Variants in METTL25 observed in about 807,000 individuals in gnomAD.
METTL25 encodes the protein methyltransferase like 25.
METTL25 carries 64 observed loss-of-function variants against 71.6 expected under a neutral mutation model. The ratio of observed to expected loss-of-function variants is 0.89; its 90% CI spans 0.73 to 1.10. The LOEUF (loss-of-function observed/expected upper bound fraction) is 1.10, where lower values mean the gene tolerates loss of function less well. Among genes scored for constraint, METTL25 ranks in the 50% least tolerant of loss-of-function variants. The pLI is 0.00. For synonymous variants in METTL25, 287 were observed against 250.3 expected (o/e 1.15, Z -1.38); for missense variants, 807 against 707.0 (o/e 1.14, Z -1.60).
At chr12:82,444,509 TC>T (rs1450853374) in intron 8 of METTL25, among the ~76,000 whole-genome samples, 1 of 152,152 alleles carries the variant, frequency 6.6e-6, no homozygotes, top group Non-Finnish European at 1.5e-5. Flanking sequence ...TTCCGAAGAC[TC>T]TTAATACTGT....
chr12:82,407,689 C>T (rs1456442816), intron 5 of METTL25: 2 of 286,122 alleles, frequency 7.0e-6, no homozygotes, highest in Non-Finnish European at 1.0e-5. Flanking sequence ...TGGGCGGGGA[C>T]GTATGCAACG....
At chr12:82,434,785 G>A in intron 7 of METTL25, 61 bp downstream of exon 7, 1 of 1,351,982 alleles carries the variant, frequency 7.4e-7, no homozygotes, top group Non-Finnish European at 1.1e-6. Flanking sequence ...CTTCATACTT[G>A]ACCTGCTGAT....
rs149393042 is a variant in METTL25 at position 82,404,790 on chromosome 12, A to G, written c.1279+1660A>G. On this transcript the variant is annotated intron_variant, in intron 5 of 11. Transcript: ENST00000248306. The stretch of plus-strand genomic sequence containing the variant: ...AAACTCCGTTTCTACTAAAGATACA[A>G]AAAATTAGCTGGCCATGGTGGTGGA... Among the ~76,000 whole-genome samples the G allele has an allele frequency of 3.7e-3, 570 of 152,190 alleles. 4 individuals are homozygous for G. The highest frequency in any genetic ancestry group is 0.013 in the African/African-American group (542 of 41,530).
chr12:82,414,678 A>C (rs1887819912), intron 5 of METTL25, among the ~76,000 whole-genome samples: 1 of 152,176 alleles, frequency 6.6e-6, no homozygotes, highest in Non-Finnish European at 1.5e-5. Flanking sequence ...ATGAAAGCAA[A>C]GTTGACAAAT....
chr12:82,464,684 C>T (rs1039953119), intron 9 of METTL25, among the ~76,000 whole-genome samples: 1 of 151,538 alleles, frequency 6.6e-6, no homozygotes, highest in African/African-American at 2.4e-5. Context: ...TTGCATTGAA[C>T]CTGTACATTG....
rs373368121 is a variant in METTL25, at chr12:82,399,328, A to G, written c.1065A>G (p.Ile355Met). The change falls in exon 4 of 12, where the codon ATA (isoleucine) becomes ATG (methionine). Residue 355 changes from isoleucine to methionine, a missense_variant. Ile to Met is a conservative substitution (Grantham distance 10, BLOSUM62 1). Coordinates refer to ENST00000248306, the MANE Select transcript of METTL25 (RefSeq NM_032230.3). ...KMTSKSSESNIYSPLTSFITA... is the reference protein window; with the variant it reads ...KMTSKSSESNMYSPLTSFITA... Reference sequence around the variant, plus strand: ...CATCAAAGTCAAGTGAATCAAATATATATTCACCTTTAACCTCTTTTATCA... The same window carrying G: ...CATCAAAGTCAAGTGAATCAAATATGTATTCACCTTTAACCTCTTTTATCA... The G allele has an allele frequency of 4.0e-5, 64 of 1,608,030 alleles. No homozygotes were observed. In the South Asian group the frequency reaches 4.1e-4, roughly 10 times the overall value.
chr12:82,449,015 T>C (rs1444979322), intron 8 of METTL25, among the ~76,000 whole-genome samples: 1 of 152,238 alleles, frequency 6.6e-6, no homozygotes, highest in Non-Finnish European at 1.5e-5. Flanking sequence ...TCCAAAATGC[T>C]GCTTCCTTGG....
intron 8 of METTL25, among the ~76,000 whole-genome samples, chr12:82,454,177 G>C (rs1449623107): frequency 6.6e-6 from 1 of 151,748 alleles, no homozygotes; most frequent in African/African-American, 2.4e-5. Context: ...AGGGGGAGAT[G>C]ATCAGAGAAA....
At chr12:82,375,555 A>G (rs1016096073) in intron 1 of METTL25, among the ~76,000 whole-genome samples, 2 of 152,242 alleles carry the variant, frequency 1.3e-5, no homozygotes, top group African/African-American at 2.4e-5. Flanking sequence ...GAGATATTTA[A>G]GAAGTCCCAT....
intron 1 of METTL25, among the ~76,000 whole-genome samples, chr12:82,360,237 T>C (rs1345607954): frequency 6.6e-6 from 1 of 152,198 alleles, no homozygotes; most frequent in African/African-American, 2.4e-5. Context: ...TCAGATTGTC[T>C]TACATATTCT....
In METTL25 at chr12:82,358,562, C is replaced by A. The variant is rs778622172; in HGVS notation, c.-4C>A. ...GCCACCTACAGCCTCGGAGGGTGAG[C>A]GTCATGGCGGCTTCTTGCCCTCTCC... On this transcript the variant is annotated 5_prime_UTR_variant, in exon 1 of 12. Transcript: ENST00000248306. The A allele has an allele frequency of 6.2e-7, 1 of 1,609,262 alleles. No individual in the cohort carries two copies. The highest frequency in any genetic ancestry group is 1.1e-5 in the South Asian group (1 of 91,054).
chr12:82,378,487 A>G (rs2136903227), intron 1 of METTL25, among the ~76,000 whole-genome samples: 1 of 152,340 alleles, frequency 6.6e-6, no homozygotes, highest in Non-Finnish European at 1.5e-5. Context: ...GATTATAACT[A>G]AATTCAGTTG....
At chr12:82,364,639 A>G (rs1882353009) in intron 1 of METTL25, among the ~76,000 whole-genome samples, 1 of 152,148 alleles carries the variant, frequency 6.6e-6, no homozygotes, top group South Asian at 2.1e-4. Context: ...ACCTTCTAGG[A>G]CAGCAAAGAT....
At chr12:82,385,148 A>G (rs1287805782) in intron 1 of METTL25, among the ~76,000 whole-genome samples, 1 of 152,118 alleles carries the variant, frequency 6.6e-6, no homozygotes, top group Non-Finnish European at 1.5e-5. Flanking sequence ...GAAGGTATAT[A>G]TATCTGCTGA....
intron 8 of METTL25, among the ~76,000 whole-genome samples, chr12:82,445,930 G>T (rs2137214728): frequency 6.6e-6 from 1 of 152,262 alleles, no homozygotes; most frequent in Middle Eastern, 3.4e-3. Flanking sequence ...CCGGTCAAAA[G>T]TACACTAGTA....
chr12:82,387,387 T>TA (rs1300153468), intron 2 of METTL25, among the ~76,000 whole-genome samples: 1 of 151,830 alleles, frequency 6.6e-6, no homozygotes, highest in African/African-American at 2.4e-5. Context: ...TGGTACAAAT[T>TA]AAAAAAACAA....
intron 9 of METTL25, among the ~76,000 whole-genome samples, chr12:82,474,128 T>C (rs796090661): frequency 1.6e-4 from 25 of 152,280 alleles, no homozygotes; most frequent in African/African-American, 5.8e-4. Flanking sequence ...GCTCACCATT[T>C]ATGAGGACTA....
intron 9 of METTL25, among the ~76,000 whole-genome samples, chr12:82,461,334 A>G (rs1336382407): frequency 6.6e-6 from 1 of 152,220 alleles, no homozygotes; most frequent in Admixed American, 6.5e-5. Context: ...CTGTGCTAAA[A>G]GCTTTGTTTA....
intron 1 of METTL25, among the ~76,000 whole-genome samples, chr12:82,385,351 G>C (rs1423357849): frequency 6.6e-6 from 1 of 152,056 alleles, no homozygotes; most frequent in Non-Finnish European, 1.5e-5. Flanking sequence ...AGTAACTACA[G>C]AAGATTAGCT....
Sources: gnomAD v4.1 joint callset for allele counts (sites outside exome capture counted in the v4.1 genomes callset) on GRCh38, gnomAD v4.1.1 for gene constraint, MANE v1.5 for transcripts, NCBI Gene and HGNC (gene_info 2026-07-23, HGNC 2026-07-21) for gene names.